CENPQ: variants seen among roughly 807,000 people sequenced by gnomAD.
CENPQ encodes chromosome 6 open reading frame 139.
A neutral mutation model predicts 36.6 loss-of-function variants in CENPQ; 27 were observed. The observed-to-expected ratio is 0.74, with a 90% CI of 0.54 to 1.02. The LOEUF (loss-of-function observed/expected upper bound fraction) is 1.02, where lower values mean the gene tolerates loss of function less well. Among genes scored for constraint, CENPQ ranks in the 50% least tolerant of loss-of-function variants. The pLI is 0.00. For synonymous variants in CENPQ, 101 were observed against 101.7 expected (o/e 0.99, Z 0.04); for missense variants, 306 against 301.8 (o/e 1.01, Z -0.10).
At position 49,470,277 on chromosome 6, in the gene CENPQ, A is replaced by C. The variant is rs2127423693; in HGVS notation, c.101A>C (p.Lys34Thr). ...DNEEVVLSEN[K>T]VRNTVKKNKN... ...GAGGAAGTTGTGTTGTCAGAGAATAAGGTAATGAAAATATCAAGTTTCTCA... is the reference window on the plus strand; with the variant it reads ...GAGGAAGTTGTGTTGTCAGAGAATACGGTAATGAAAATATCAAGTTTCTCA... The change falls in exon 2 of 9, where the codon AAG becomes ACG. Residue 34 changes from lysine (K) to threonine (T), a missense_variant and splice_region_variant. Lys to Thr is a moderately conservative substitution (Grantham distance 78, BLOSUM62 -1). Coordinates refer to ENST00000335783, the MANE Select transcript of CENPQ (RefSeq NM_018132.4). 6.4e-7 allele frequency: 1 copy of C among 1,550,664 alleles called. No individual in the cohort carries two copies. Among genetic ancestry groups the C allele is most frequent in the Middle Eastern group, 1.8e-4 (1 of 5,464 alleles).
At chr6:49,492,120 C>G (rs775884535) in intron 8 of CENPQ, 24 bp from the exon 9 acceptor site, 1 of 1,573,068 alleles carries the variant, frequency 6.4e-7, no homozygotes, top group Admixed American at 1.8e-5. Flanking sequence ...TTAACAACTA[C>G]ATTTAATACT....
intron 6 of CENPQ, among the ~76,000 whole-genome samples, chr6:49,485,584 G>T (rs562541645): frequency 1.3e-5 from 2 of 152,158 alleles, no homozygotes; most frequent in East Asian, 3.9e-4. Flanking sequence ...AAAAATGATA[G>T]AAAGTATAGG....
chr6:49,474,585 A>C (rs1440430399), intron 5 of CENPQ, among the ~76,000 whole-genome samples: 4 of 152,216 alleles, frequency 2.6e-5, no homozygotes, highest in African/African-American at 9.6e-5. Flanking sequence ...ACACCCTAAC[A>C]TCACAATTAA....
intron 5 of CENPQ, among the ~76,000 whole-genome samples, chr6:49,480,109 T>G (rs1768393320): frequency 6.6e-6 from 1 of 152,184 alleles, no homozygotes; most frequent in Admixed American, 6.5e-5. Context: ...AAAAGATTTT[T>G]TTTTAATTAA....
At chr6:49,471,912 G>C (rs1768143707) in intron 3 of CENPQ, 151 bp from the exon 4 acceptor site, 4 of 724,874 alleles carry the variant, frequency 5.5e-6, no homozygotes, top group Non-Finnish European at 4.0e-6. Flanking sequence ...TTACAGCTGT[G>C]TGATAAAAAG....
chr6:49,477,751 C>T (rs371137702), intron 5 of CENPQ, among the ~76,000 whole-genome samples: 8 of 151,810 alleles, frequency 5.3e-5, no homozygotes, highest in African/African-American at 1.5e-4. Context: ...TGGGAGTTTG[C>T]TGAGAAAGGT....
chr6:49,488,283 C>A, intron 6 of CENPQ, 69 bp from the exon 7 acceptor site: 1 of 1,214,886 alleles, frequency 8.2e-7, no homozygotes, highest in Middle Eastern at 2.9e-4. Flanking sequence ...GTATGTATAA[C>A]AATATCTATT....
chr6:49,484,932 C>T (rs145382655), intron 6 of CENPQ, among the ~76,000 whole-genome samples: 117 of 152,260 alleles, frequency 7.7e-4, no homozygotes, highest in African/African-American at 2.7e-3. Flanking sequence ...TATTTATGCA[C>T]ATCAGTTAAG....
rs116299178 is a variant in CENPQ at position 49,467,741 on chromosome 6, A to G, written c.-18-2418A>G. 1.0e-3 allele frequency among the ~76,000 whole-genome samples: 153 copies of G among 152,324 alleles called. 2 individuals carry two copies. Among genetic ancestry groups the G allele is most frequent in the African/African-American group, 3.6e-3 (151 of 41,568 alleles). On this transcript the variant is annotated intron_variant, in intron 1 of 8. Coordinates refer to ENST00000335783, the MANE Select transcript of CENPQ (RefSeq NM_018132.4). ...AGAAAATGATTAATGGACCCAAGCT[A>G]TAAATAAGTACCAAATGAGACAGAG...
chr6:49,477,313 C>G (rs983035848), intron 5 of CENPQ, among the ~76,000 whole-genome samples: 1 of 150,774 alleles, frequency 6.6e-6, no homozygotes, highest in African/African-American at 2.4e-5. Context: ...AGCAAACTAT[C>G]ACAAGGATGA....
chr6:49,469,061 A>G (rs901283662), intron 1 of CENPQ, among the ~76,000 whole-genome samples: 3 of 152,206 alleles, frequency 2.0e-5, no homozygotes, highest in Non-Finnish European at 2.9e-5. Flanking sequence ...TTTGACTTCC[A>G]CTGCTTTTTG....
At chr6:49,476,158 A>G (rs1271085678) in intron 5 of CENPQ, among the ~76,000 whole-genome samples, 1 of 152,154 alleles carries the variant, frequency 6.6e-6, no homozygotes, top group Non-Finnish European at 1.5e-5. Context: ...GCATCACACT[A>G]CCTGACTTCA....
intron 4 of CENPQ, 74 bp downstream of exon 4, chr6:49,472,257 A>G (rs1030612960): frequency 2.5e-6 from 3 of 1,198,120 alleles, no homozygotes; most frequent in African/African-American, 3.1e-5. Flanking sequence ...ATTCTTTTAA[A>G]TATTGCTATC....
intron 1 of CENPQ, among the ~76,000 whole-genome samples, chr6:49,469,827 G>A (rs1175392465): frequency 6.6e-6 from 1 of 152,232 alleles, no homozygotes; most frequent in African/African-American, 2.4e-5. Context: ...TAAACATGGA[G>A]AGGATGTTAT....
At chr6:49,476,188 A>G (rs1768286271) in intron 5 of CENPQ, among the ~76,000 whole-genome samples, 1 of 152,240 alleles carries the variant, frequency 6.6e-6, no homozygotes. Context: ...AAAAGGCTAT[A>G]GTAAACAAAA....
At chr6:49,477,168 C>T (rs1324298339) in intron 5 of CENPQ, among the ~76,000 whole-genome samples, 1 of 152,116 alleles carries the variant, frequency 6.6e-6, no homozygotes, top group African/African-American at 2.4e-5. Context: ...TTGGAACCAA[C>T]CCAAATGTCC....
In CENPQ at chr6:49,470,221, A is replaced by C. The variant is rs1768096155; in HGVS notation, c.45A>C (p.Leu15Phe). 6.2e-7 allele frequency: 1 copy of C among 1,611,288 alleles called. No homozygotes were observed. The highest frequency in any genetic ancestry group is 8.5e-7 in the Non-Finnish European group (1 of 1,178,298). The change falls in exon 2 of 9, where the codon TTA becomes TTC. Residue 15 changes from leucine to phenylalanine, a missense_variant. Physicochemically the swap from Leu to Phe is conservative, Grantham distance 22. Coordinates refer to ENST00000335783, the MANE Select transcript of CENPQ (RefSeq NM_018132.4). ...CTTCCAAGAAAAACGCTCAACAGTTAAAAAGAAATCCAAAGAGAAAAAAGG... is the reference window on the plus strand; with the variant it reads ...CTTCCAAGAAAAACGCTCAACAGTTCAAAAGAAATCCAAAGAGAAAAAAGG... ...ANASKKNAQQLKRNPKRKKDN... is the reference protein window; with the variant it reads ...ANASKKNAQQFKRNPKRKKDN...
intron 6 of CENPQ, among the ~76,000 whole-genome samples, chr6:49,484,163 C>T (rs2127427290): frequency 6.6e-6 from 1 of 152,302 alleles, no homozygotes; most frequent in South Asian, 2.1e-4. Context: ...TTCCTACACT[C>T]CAGACACTGT....
At chr6:49,488,771 T>G in intron 8 of CENPQ, 87 bp downstream of exon 8, 1 of 998,488 alleles carries the variant, frequency 1.0e-6, no homozygotes, top group Non-Finnish European at 1.6e-6. Context: ...AAGCAAATAC[T>G]GCAATAACGC....
Sources: gnomAD v4.1 joint callset for allele counts (sites outside exome capture counted in the v4.1 genomes callset) on GRCh38, gnomAD v4.1.1 for gene constraint, MANE v1.5 for transcripts, NCBI Gene and HGNC (gene_info 2026-07-23, HGNC 2026-07-21) for gene names.